SYT4: variants seen among roughly 807,000 people sequenced by gnomAD.
SYT4 encodes the protein synaptotagmin-4.
A neutral mutation model predicts 32.9 loss-of-function variants in SYT4; 7 were observed. The observed-to-expected ratio is 0.21, with a 90% CI of 0.12 to 0.40. SYT4 has a LOEUF of 0.40. SYT4 is among the 10% of genes least tolerant of loss of function. The probability of loss-of-function intolerance (pLI) is 1.00; values close to 1 mark genes in which losing one functional copy is unlikely to be tolerated. For missense variants in SYT4, 480 were observed against 488.0 expected, an observed-to-expected ratio of 0.98 and a Z score of 0.16; for synonymous variants, 205 against 186.2, an observed-to-expected ratio of 1.10 and a Z score of -0.82.
At chr18:43,276,868 T>G (rs1047739003) in intron 1 of SYT4, among the ~76,000 whole-genome samples, 2 of 152,152 alleles carry the variant, frequency 1.3e-5, no homozygotes, top group Non-Finnish European at 2.9e-5. Flanking sequence ...ACCAGAGATA[T>G]ATTTATCTTC....
In SYT4 at chr18:43,271,725, C is replaced by G. The variant is rs1908636311; in HGVS notation, c.957G>C (p.Val319=). 1 of 1,612,956 alleles carries G rather than the reference C, an allele frequency of 6.2e-7. No homozygotes were observed. Reference sequence around the variant, plus strand: ...AAGCATTCTTACCTGAAAGTCCGGACACATCAGATTTAGGCAGATGTCGAG... The same window carrying G: ...AAGCATTCTTACCTGAAAGTCCGGAGACATCAGATTTAGGCAGATGTCGAG... ...LKARHLPKSD[V]SGLSDPYVKV... The change falls in exon 3 of 4, where the codon GTG becomes GTC. Residue 319 remains valine (V), a synonymous_variant. Transcript: ENST00000255224.
At position 43,268,046 on chromosome 18, in the gene SYT4, G is replaced by A. The variant is rs1908506096; in HGVS notation, c.*2295C>T. 6.6e-6 allele frequency: 1 copy of A among 152,384 alleles called. No individual in the cohort carries two copies. The highest frequency in any genetic ancestry group is 6.5e-5 in the Admixed American group (1 of 15,274). 9.4% of individuals were successfully genotyped at this position (152,384 alleles called of 1,614,324 possible). A position where few individuals can be genotyped will look rare whatever the true frequency, so the allele number is the denominator to read the frequency against. On this transcript the variant is annotated 3_prime_UTR_variant, in exon 4 of 4. Coordinates refer to ENST00000255224, the MANE Select transcript of SYT4 (RefSeq NM_020783.4). ...AACATCAGAACAAATCAATTACTGA[G>A]TTACACAGTTCTTCAAACATGTATA...
chr18:43,270,369 G>A lies in SYT4; in HGVS notation c.1250C>T (p.Ala417Val). Residue 417 changes from alanine (A) to valine (V), a missense_variant, in exon 4 of 4, where the codon GCC becomes GTC. Ala to Val is a moderately conservative substitution (Grantham distance 64). Coordinates refer to ENST00000255224, the MANE Select transcript of SYT4 (RefSeq NM_020783.4). Reference protein sequence around the residue: ...EICDYPRRQIAKWHVLCDG With the variant: ...EICDYPRRQIVKWHVLCDG Reference sequence around the variant, plus strand: ...ACCATCACAGAGCACGTGCCACTTGGCAATTTGTCTCCTGGGGTAGTCACA... The same window carrying A: ...ACCATCACAGAGCACGTGCCACTTGACAATTTGTCTCCTGGGGTAGTCACA... The A allele has an allele frequency of 1.2e-6, 2 of 1,613,970 alleles. No individual in the cohort carries two copies. The highest frequency in any genetic ancestry group is 2.2e-5 in the East Asian group (1 of 44,874).
Position 43,277,421 on chromosome 18 carries a change from G to C in SYT4, c.-140C>G, listed in dbSNP as rs550422094. 1.9e-5 allele frequency: 17 copies of C among 914,548 alleles called. No individual in the cohort carries two copies. Among genetic ancestry groups the C allele is most frequent in the Middle Eastern group, 3.0e-4 (1 of 3,282 alleles). The allele number at this position is 914,548 out of a possible 1,614,324, so 56.7% of individuals were successfully genotyped here. On this transcript the variant is annotated 5_prime_UTR_variant, in exon 1 of 4. Transcript: ENST00000255224. ...GGGCACCAGCTCCTGGAACAGGGAG[G>C]AGGCAAAGAGGGAGGTCCACTCGCC... is the stretch of plus-strand genomic sequence containing the variant.
Position 43,273,925 on chromosome 18 carries a change from T to C in SYT4, c.504A>G (p.Lys168=), listed in dbSNP as rs199776165. The change falls in exon 2 of 4, where the codon AAA becomes AAG. Residue 168 remains lysine (K), a synonymous_variant. Transcript: ENST00000255224. ...FFSLEYNFER[K]AFVVNIKEAR... ...CTTCCTTGATATTGACCACAAATGC[T>C]TTTCTCTCGAAGTTGTATTCTAAGG... is the stretch of plus-strand genomic sequence containing the variant. The C allele has an allele frequency of 3.1e-6, 5 of 1,614,066 alleles. No individual in the cohort carries two copies. In the African/African-American group the frequency reaches 4.0e-5, roughly 13 times the overall value.
intron 3 of SYT4, among the ~76,000 whole-genome samples, 168 bp downstream of exon 3, chr18:43,271,544 G>C (rs1908629465): frequency 6.6e-6 from 1 of 152,026 alleles, no homozygotes; most frequent in Non-Finnish European, 1.5e-5. Flanking sequence ...TAAAATTGGC[G>C]TTTTGTTTCA....
In SYT4 at chr18:43,270,894, T is replaced by C. The variant is rs796575941; in HGVS notation, c.971-246A>G. On this transcript the variant is annotated intron_variant, in intron 3 of 3. Coordinates refer to ENST00000255224, the MANE Select transcript of SYT4 (RefSeq NM_020783.4). Reference sequence around the variant, plus strand: ...AGAGAATAAGGGAAAAAATTAATGATAGGAAAAGAAGTAACACAAAAGGAA... The same window carrying C: ...AGAGAATAAGGGAAAAAATTAATGACAGGAAAAGAAGTAACACAAAAGGAA... 2.6e-5 allele frequency among the ~76,000 whole-genome samples: 4 copies of C among 151,994 alleles called. No individual in the cohort carries two copies. The South Asian group carries it at 8.3e-4, about 32-fold the overall frequency.
intron 1 of SYT4, among the ~76,000 whole-genome samples, chr18:43,276,696 C>T (rs1908804118): frequency 6.6e-6 from 1 of 152,140 alleles, no homozygotes; most frequent in East Asian, 1.9e-4. Context: ...CTCTTTAACC[C>T]TGCTACCATA....
Position 43,271,749 on chromosome 18 carries a change from A to C in SYT4, c.933T>G (p.Ala311=). Residue 311 remains alanine, a synonymous_variant, in exon 3 of 4, where the codon GCT becomes GCG. Coordinates refer to ENST00000255224, the MANE Select transcript of SYT4 (RefSeq NM_020783.4). ...TNTLTVVVLK[A]RHLPKSDVSG... is the part of the protein sequence containing the mutation. ...ACACATCAGATTTAGGCAGATGTCG[A>C]GCTTTTAAGACAACCACAGTTAGAG... 12 of 1,613,230 alleles carry C rather than the reference A, an allele frequency of 7.4e-6. No individual in the cohort carries two copies. The highest frequency in any genetic ancestry group is 1.0e-5 in the Non-Finnish European group (12 of 1,179,334).
intron 3 of SYT4, among the ~76,000 whole-genome samples, chr18:43,271,469 T>A (rs1213404599): frequency 6.6e-6 from 1 of 152,104 alleles, no homozygotes; most frequent in Non-Finnish European, 1.5e-5. Flanking sequence ...AATGGAAGGG[T>A]TAGGATTTGA....
Position 43,270,316 on chromosome 18 carries a change from T to C in SYT4, c.*25A>G. The stretch of plus-strand genomic sequence containing the variant: ...TTTCTCCTTGCCTAGTAAAAACCTT[T>C]AAGTTCCAACTCACGGCTAGGATGC... On this transcript the variant is annotated 3_prime_UTR_variant, in exon 4 of 4. Coordinates refer to ENST00000255224, the MANE Select transcript of SYT4 (RefSeq NM_020783.4). 6.2e-7 allele frequency: 1 copy of C among 1,600,142 alleles called. No homozygotes were observed. Among genetic ancestry groups the C allele is most frequent in the Non-Finnish European group, 8.5e-7 (1 of 1,171,750 alleles).
In SYT4 at chr18:43,277,431, G is replaced by A. The variant is rs532663576; in HGVS notation, c.-150C>T. 1.2e-6 allele frequency: 1 copy of A among 827,476 alleles called. No homozygotes were observed. The highest frequency in any genetic ancestry group is 1.9e-6 in the Non-Finnish European group (1 of 514,124). 51.3% of individuals were successfully genotyped at this position (827,476 alleles called of 1,614,324 possible). A position where few individuals can be genotyped will look rare whatever the true frequency, so the allele number is the denominator to read the frequency against. On this transcript the variant is annotated 5_prime_UTR_variant, in exon 1 of 4. Coordinates refer to ENST00000255224, the MANE Select transcript of SYT4 (RefSeq NM_020783.4). The stretch of plus-strand genomic sequence containing the variant: ...TCCTGGAACAGGGAGGAGGCAAAGA[G>A]GGAGGTCCACTCGCCCTCGCACAGT...
At chr18:43,276,521 A>T (rs1283732104) in intron 1 of SYT4, among the ~76,000 whole-genome samples, 6 of 152,140 alleles carry the variant, frequency 3.9e-5, no homozygotes, top group Admixed American at 2.0e-4. Flanking sequence ...GAAACCAAAA[A>T]CTTGGTGTGA....
chr18:43,271,746 T>C lies in SYT4; in HGVS notation c.936A>G (p.Arg312=), dbSNP rs767000257. 2 of 1,613,230 alleles carry C rather than the reference T, an allele frequency of 1.2e-6. No homozygotes were observed. The highest frequency in any genetic ancestry group is 2.2e-5 in the South Asian group (2 of 91,060). Residue 312 remains arginine (R), a synonymous_variant, in exon 3 of 4, where the codon CGA becomes CGG. Coordinates refer to ENST00000255224, the MANE Select transcript of SYT4 (RefSeq NM_020783.4). ...NTLTVVVLKA[R]HLPKSDVSGL... ...CGGACACATCAGATTTAGGCAGATG[T>C]CGAGCTTTTAAGACAACCACAGTTA...
intron 1 of SYT4, 92 bp downstream of exon 1, chr18:43,277,156 A>G: frequency 6.6e-7 from 1 of 1,510,666 alleles, no homozygotes; most frequent in South Asian, 1.2e-5. Flanking sequence ...GGAAATCTGT[A>G]TTCAACAACC....
chr18:43,276,501 T>TCCG (rs1338832039), intron 1 of SYT4, among the ~76,000 whole-genome samples: 2 of 152,174 alleles, frequency 1.3e-5, no homozygotes, highest in Non-Finnish European at 2.9e-5. Flanking sequence ...TACGTCTAAT[T>TCCG]TTATGTACTG....
At chr18:43,276,915 C>T (rs938961431) in intron 1 of SYT4, among the ~76,000 whole-genome samples, 2 of 152,138 alleles carry the variant, frequency 1.3e-5, no homozygotes, top group Non-Finnish European at 2.9e-5. Context: ...AAATAAGAAT[C>T]ACCTACAAAA....
chr18:43,276,849 C>T (rs1368006348), intron 1 of SYT4, among the ~76,000 whole-genome samples: 1 of 151,960 alleles, frequency 6.6e-6, no homozygotes, highest in African/African-American at 2.4e-5. Flanking sequence ...AAGATCAAAC[C>T]CCAATGTAAC....
rs762810780 is a variant in SYT4, at chr18:43,270,359, G to A, written c.1260C>T (p.His420=). Residue 420 remains histidine (H), a synonymous_variant, in exon 4 of 4, where the codon CAC becomes CAT. Transcript: ENST00000255224. ...TAGGATGCTAACCATCACAGAGCAC[G>A]TGCCACTTGGCAATTTGTCTCCTGG... is the stretch of plus-strand genomic sequence containing the variant. ...DYPRRQIAKW[H]VLCDG 2.4e-5 allele frequency: 39 copies of A among 1,613,786 alleles called. No homozygotes were observed. Among genetic ancestry groups the A allele is most frequent in the Admixed American group, 6.7e-5 (4 of 59,988 alleles).
Sources: allele counts gnomAD v4.1 joint callset (sites outside exome capture counted in the v4.1 genomes callset), GRCh38; gene constraint gnomAD v4.1.1; transcripts MANE v1.5; gene names NCBI Gene and HGNC (gene_info 2026-07-23, HGNC 2026-07-21).